Variants in PPARGC1A observed in about 807,000 individuals in gnomAD.
The protein encoded by PPARGC1A is PPARG coactivator 1 alpha, also known as peroxisome proliferator-activated receptor gamma coactivator 1-alpha.
PPARGC1A carries 25 observed loss-of-function variants against 88.7 expected under a neutral mutation model. That is an observed-to-expected ratio of 0.28 (90% CI 0.21 to 0.39). The LOEUF (loss-of-function observed/expected upper bound fraction) is 0.39, where lower values mean the gene tolerates loss of function less well. Among genes scored for constraint, PPARGC1A ranks in the 10% least tolerant of loss-of-function variants. The pLI is 1.00. For missense variants in PPARGC1A, 880 were observed against 968.7 expected, an observed-to-expected ratio of 0.91 and a Z score of 1.22; for synonymous variants, 363 against 355.6, an observed-to-expected ratio of 1.02 and a Z score of -0.24.
chr4:23,938,741 G>T, the PPARGC1A span, among the ~76,000 whole-genome samples: 1 of 152,324 alleles, frequency 6.6e-6, no homozygotes, highest in African/African-American at 2.4e-5. Context: ...ATGAAAATTA[G>T]AAACAGATAA....
the PPARGC1A span, among the ~76,000 whole-genome samples, chr4:24,363,320 C>T: frequency 2.6e-5 from 4 of 152,274 alleles, no homozygotes; most frequent in Non-Finnish European, 4.4e-5. Flanking sequence ...TCAATATAAA[C>T]ATTTGGTGCC....
At chr4:24,352,507 TC>T in the PPARGC1A span, among the ~76,000 whole-genome samples, 2 of 152,128 alleles carry the variant, frequency 1.3e-5, no homozygotes, top group African/African-American at 4.8e-5. Flanking sequence ...ACCCAGTTCA[TC>T]CCCACATCTC....
chr4:23,999,139 G>A, the PPARGC1A span, among the ~76,000 whole-genome samples: 2 of 152,078 alleles, frequency 1.3e-5, no homozygotes, highest in Non-Finnish European at 2.9e-5. Context: ...GCATATCTAC[G>A]AGAATACCAA....
the PPARGC1A span, among the ~76,000 whole-genome samples, chr4:24,215,689 A>G: frequency 6.6e-6 from 1 of 152,236 alleles, no homozygotes; most frequent in Non-Finnish European, 1.5e-5. Flanking sequence ...AAATAATACC[A>G]TATGAACATC....
the PPARGC1A span, among the ~76,000 whole-genome samples, chr4:24,030,350 T>C: frequency 6.6e-6 from 1 of 152,158 alleles, no homozygotes; most frequent in Non-Finnish European, 1.5e-5. Flanking sequence ...AAAATACAGT[T>C]CACATTGGGG....
the PPARGC1A span, among the ~76,000 whole-genome samples, chr4:24,035,270 T>C: frequency 0.19 from 28,563 of 152,114 alleles, 3,089 homozygotes; most frequent in Admixed American, 0.34. Flanking sequence ...CCAGGTGTGG[T>C]GGCACACGTC....
the PPARGC1A span, among the ~76,000 whole-genome samples, chr4:24,371,116 CT>C: frequency 6.6e-6 from 1 of 152,176 alleles, no homozygotes; most frequent in African/African-American, 2.4e-5. Flanking sequence ...TGAACACTTT[CT>C]TTTTTATGGC....
At chr4:24,148,649 G>A in the PPARGC1A span, among the ~76,000 whole-genome samples, 1 of 152,218 alleles carries the variant, frequency 6.6e-6, no homozygotes, top group South Asian at 2.1e-4. Flanking sequence ...CTAATGGGCT[G>A]AGAATCCTGA....
At chr4:24,148,365 T>C in the PPARGC1A span, among the ~76,000 whole-genome samples, 1 of 152,194 alleles carries the variant, frequency 6.6e-6, no homozygotes, top group Non-Finnish European at 1.5e-5. Flanking sequence ...TCCTGCCTGT[T>C]CTTCAACATC....
At chr4:24,442,509 C>T in the PPARGC1A span, among the ~76,000 whole-genome samples, 25 of 152,146 alleles carry the variant, frequency 1.6e-4, no homozygotes, top group Non-Finnish European at 3.5e-4. Flanking sequence ...CCATTTCATT[C>T]CTATGTTCAT....
the PPARGC1A span, among the ~76,000 whole-genome samples, chr4:24,254,151 T>G: frequency 6.6e-6 from 1 of 152,228 alleles, no homozygotes; most frequent in Non-Finnish European, 1.5e-5. Context: ...CCTGATAACA[T>G]AGCTAACATT....
chr4:24,083,562 A>G, the PPARGC1A span, among the ~76,000 whole-genome samples: 2 of 152,184 alleles, frequency 1.3e-5, no homozygotes, highest in Non-Finnish European at 2.9e-5. Context: ...CCCTGTGGCC[A>G]AACTCAGTGA....
At chr4:24,001,533 C>G in the PPARGC1A span, among the ~76,000 whole-genome samples, 21 of 152,224 alleles carry the variant, frequency 1.4e-4, no homozygotes, top group Admixed American at 4.6e-4. Context: ...GACATCCCAG[C>G]AGAAATAGTG....
the PPARGC1A span, among the ~76,000 whole-genome samples, chr4:24,171,808 T>C: frequency 1.3e-5 from 2 of 152,242 alleles, no homozygotes; most frequent in Non-Finnish European, 2.9e-5. Context: ...CTTTGTAAGA[T>C]TGACTATTGT....
chr4:24,408,862 C>T, the PPARGC1A span, among the ~76,000 whole-genome samples: 1 of 152,200 alleles, frequency 6.6e-6, no homozygotes, highest in Non-Finnish European at 1.5e-5. Flanking sequence ...AACATAACAA[C>T]AAACTACTGT....
chr4:24,033,289 G>A, the PPARGC1A span, among the ~76,000 whole-genome samples: 4 of 152,210 alleles, frequency 2.6e-5, no homozygotes, highest in East Asian at 5.8e-4. Flanking sequence ...TAAATGGGTC[G>A]ATATATACAA....
At chr4:24,177,979 T>C in the PPARGC1A span, among the ~76,000 whole-genome samples, 2 of 152,218 alleles carry the variant, frequency 1.3e-5, no homozygotes, top group African/African-American at 2.4e-5. Flanking sequence ...TCTCCGTATG[T>C]CATAAATTCG....
At chr4:24,134,908 G>T in the PPARGC1A span, among the ~76,000 whole-genome samples, 3 of 152,178 alleles carry the variant, frequency 2.0e-5, no homozygotes, top group African/African-American at 7.2e-5. Context: ...AAAGAAAAAT[G>T]TAATTCTGGT....
At chr4:24,122,718 G>C in the PPARGC1A span, among the ~76,000 whole-genome samples, 1 of 152,078 alleles carries the variant, frequency 6.6e-6, no homozygotes, top group Non-Finnish European at 1.5e-5. Context: ...ATTCTGAAAA[G>C]GAAGTATCTG....
Sources: allele counts gnomAD v4.1 joint callset (sites outside exome capture counted in the v4.1 genomes callset), GRCh38; gene constraint gnomAD v4.1.1; transcripts MANE v1.5; gene names NCBI Gene and HGNC (gene_info 2026-07-23, HGNC 2026-07-21).